The following PIP5K1A variants were observed in gnomAD, a reference collection of about 807,000 sequenced individuals.
PIP5K1A encodes phosphatidylinositol-4-phosphate 5-kinase type 1 alpha, also known as phosphatidylinositol 4-phosphate 5-kinase type-1 alpha.
PIP5K1A carries 46 observed loss-of-function variants against 72.9 expected under a neutral mutation model. The ratio of observed to expected loss-of-function variants is 0.63; its 90% CI spans 0.50 to 0.81. The LOEUF is 0.81. Among genes scored for constraint, PIP5K1A ranks in the 30% least tolerant of loss-of-function variants. The pLI is 0.00. For synonymous variants in PIP5K1A, 228 were observed against 255.1 expected (o/e 0.89, Z 1.01); for missense variants, 458 against 706.1 (o/e 0.65, Z 3.98).
chr1:151,211,379 C>G (rs1686769957), intron 1 of PIP5K1A, among the ~76,000 whole-genome samples: 4 of 152,112 alleles, frequency 2.6e-5, no homozygotes, highest in Admixed American at 2.0e-4. Context: ...CCCAGCTACT[C>G]TGGAGTCTGA....
rs141667777 is a variant in PIP5K1A at position 151,210,684 on chromosome 1, CAA to C, written c.85+11604_85+11605del. Among the ~76,000 whole-genome samples the C allele has an allele frequency of 4.4e-3, 671 of 152,210 alleles. 6 individuals are homozygous for C. Among genetic ancestry groups the C allele is most frequent in the African/African-American group, 0.015 (620 of 41,516 alleles). On this transcript the variant is annotated intron_variant, in intron 1 of 15. Transcript: ENST00000368888. ...ACTGCAGCCTCCCGTCTCCTGGGTT[CAA>C]GTGATTCTCCTGCCTCAGCCTCCCG...
At chr1:151,216,134 G>A (rs778197264) in intron 1 of PIP5K1A, 2 of 448,970 alleles carry the variant, frequency 4.5e-6, no homozygotes, top group Non-Finnish European at 9.1e-6. Context: ...GGATCACGAG[G>A]TCAGGAGATC....
chr1:151,209,670 C>T (rs1686502572), intron 1 of PIP5K1A, among the ~76,000 whole-genome samples: 1 of 151,902 alleles, frequency 6.6e-6, no homozygotes, highest in Non-Finnish European at 1.5e-5. Context: ...AACTCCTGAC[C>T]TCAGGTGATC....
intron 1 of PIP5K1A, among the ~76,000 whole-genome samples, chr1:151,220,804 G>C (rs1202518020): frequency 6.6e-6 from 1 of 152,064 alleles, no homozygotes; most frequent in East Asian, 1.9e-4. Context: ...TGCCAATCTT[G>C]CATCTATACT....
At chr1:151,203,853 T>G (rs1685557993) in intron 1 of PIP5K1A, among the ~76,000 whole-genome samples, 1 of 151,738 alleles carries the variant, frequency 6.6e-6, no homozygotes, top group Non-Finnish European at 1.5e-5. Flanking sequence ...AGAAAAGCAC[T>G]TAAACCCTAG....
Position 151,232,600 on chromosome 1 carries a change from G to T in PIP5K1A, c.536G>T (p.Ser179Ile). The change falls in exon 7 of 16, where the codon AGT becomes ATT. Residue 179 changes from serine to isoleucine, a missense_variant. Ser to Ile is a moderately radical substitution (Grantham distance 142, BLOSUM62 -2). Around this residue, in one of 3 missense-constraint regions of PIP5K1A, gnomAD observed 220 missense variants for 442.6 expected, o/e 0.50. Coordinates refer to ENST00000368888, the MANE Select transcript of PIP5K1A (RefSeq NM_001135638.2). ...ATTGAACTCTGTAGCTCTGGAGCTA[G>T]TGGTTCCCTATTCTATGTGTCCAGC... Reference protein sequence around the residue: ...PLIELCSSGASGSLFYVSSDD... With the variant: ...PLIELCSSGAIGSLFYVSSDD... 1 of 1,610,162 alleles carries T rather than the reference G, an allele frequency of 6.2e-7. No homozygotes were observed. The highest frequency in any genetic ancestry group is 8.5e-7 in the Non-Finnish European group (1 of 1,178,902).
chr1:151,242,385 T>C, intron 13 of PIP5K1A, 53 bp from the exon 14 acceptor site: 1 of 1,608,424 alleles, frequency 6.2e-7, no homozygotes, highest in Non-Finnish European at 8.5e-7. Context: ...GCCTAGCTGC[T>C]ACATATTTTT....
At chr1:151,220,834 A>G (rs180822120) in intron 1 of PIP5K1A, among the ~76,000 whole-genome samples, 4 of 151,672 alleles carry the variant, frequency 2.6e-5, no homozygotes, top group East Asian at 1.9e-4. Context: ...TTCTACCTCT[A>G]CCTCCCTGGA....
At chr1:151,211,542 A>G (rs1309780433) in intron 1 of PIP5K1A, among the ~76,000 whole-genome samples, 1 of 150,932 alleles carries the variant, frequency 6.6e-6, no homozygotes, top group Admixed American at 6.6e-5. Flanking sequence ...CATGCCTGTA[A>G]TCCCAGCACT....
upstream of PIP5K1A, chr1:151,197,814 C>T (rs1183238936): frequency 3.0e-5 from 9 of 303,698 alleles, no homozygotes; most frequent in South Asian, 2.4e-4. Flanking sequence ...GTCTTCCCAC[C>T]AGGGTTCATA....
At position 151,249,124 on chromosome 1, in the gene PIP5K1A, T is replaced by C. The variant is rs1285211054; in HGVS notation, c.*1259T>C. The C allele has an allele frequency of 6.6e-6, 1 of 152,206 alleles. No individual in the cohort carries two copies. 9.4% of individuals were successfully genotyped at this position (152,206 alleles called of 1,614,324 possible). ...TTGTCAGGGGAAGAAGGGGGCCTGG[T>C]ATCTCAGGCAGATTGTTGAATTCCT... On this transcript the variant is annotated 3_prime_UTR_variant, in exon 16 of 16. Coordinates refer to ENST00000368888, the MANE Select transcript of PIP5K1A (RefSeq NM_001135638.2).
chr1:151,225,473 G>GT (rs1348674707), intron 3 of PIP5K1A, among the ~76,000 whole-genome samples: 14 of 77,744 alleles, frequency 1.8e-4, no homozygotes, highest in African/African-American at 7.2e-4. Flanking sequence ...CTCCCTTCTT[G>GT]CCTTTTTTTT....
chr1:151,209,396 T>C (rs587630919), intron 1 of PIP5K1A, among the ~76,000 whole-genome samples: 1 of 150,378 alleles, frequency 6.6e-6, no homozygotes, highest in Admixed American at 6.6e-5. Context: ...TTAGCCTCTC[T>C]AGTAGCTGGG....
At chr1:151,211,593 G>A (rs1418765115) in intron 1 of PIP5K1A, among the ~76,000 whole-genome samples, 2 of 151,824 alleles carry the variant, frequency 1.3e-5, no homozygotes, top group South Asian at 2.1e-4. Flanking sequence ...TCAGGAGATC[G>A]AGACCATCCT....
chr1:151,236,829 T>TC, intron 9 of PIP5K1A, 66 bp downstream of exon 9: 2 of 1,073,310 alleles, frequency 1.9e-6, no homozygotes, highest in East Asian at 2.6e-5. Flanking sequence ...TTCTTTTTTT[T>TC]TTTTTTTTTT....
intron 1 of PIP5K1A, among the ~76,000 whole-genome samples, chr1:151,202,800 T>C (rs1257731731): frequency 1.8e-5 from 2 of 113,404 alleles, no homozygotes; most frequent in Non-Finnish European, 1.8e-5. Flanking sequence ...TGAGAGGGAG[T>C]CTCTCTCTGT....
chr1:151,224,431 T>C, intron 3 of PIP5K1A, 25 bp downstream of exon 3: 2 of 1,487,628 alleles, frequency 1.3e-6, no homozygotes, highest in Non-Finnish European at 1.9e-6. Context: ...ATGCAACTCA[T>C]CTTTTATTGT....
At position 151,227,417 on chromosome 1, in the gene PIP5K1A, C is replaced by G; in HGVS notation, c.237+17C>G. On this transcript the variant is annotated intron_variant, in intron 4 of 15. Coordinates refer to ENST00000368888, the MANE Select transcript of PIP5K1A (RefSeq NM_001135638.2). ...TATAAAAAGGTGTGTCTGGATGAAA[C>G]CGTCTCATCTTACTCCAGGAGCTCA... 1 of 1,559,102 alleles carries G rather than the reference C, an allele frequency of 6.4e-7. No homozygotes were observed. Among genetic ancestry groups the G allele is most frequent in the Non-Finnish European group, 8.8e-7 (1 of 1,130,872 alleles).
At chr1:151,221,169 G>A (rs587619425) in intron 1 of PIP5K1A, among the ~76,000 whole-genome samples, 1 of 152,080 alleles carries the variant, frequency 6.6e-6, no homozygotes, top group African/African-American at 2.4e-5. Context: ...AGATATATTT[G>A]TAGGCTTCCA....
Sources: allele counts gnomAD v4.1 joint callset (sites outside exome capture counted in the v4.1 genomes callset), GRCh38; gene constraint gnomAD v4.1.1; regional missense constraint gnomAD v4.1.1; transcripts MANE v1.5; gene names NCBI Gene and HGNC (gene_info 2026-07-23, HGNC 2026-07-21).